The following MAPK10 variants were observed in gnomAD, a reference collection of about 807,000 sequenced individuals.
MAPK10 encodes the protein JNK3 alpha protein kinase.
A neutral mutation model predicts 59.3 loss-of-function variants in MAPK10; 25 were observed. The observed-to-expected ratio is 0.42, with a 90% confidence interval of 0.31 to 0.59. The LOEUF is 0.59. Among genes scored for constraint, MAPK10 ranks in the 20% least tolerant of loss-of-function variants. The probability of loss-of-function intolerance (pLI) is 0.15; values close to 1 mark genes in which losing one functional copy is unlikely to be tolerated. For missense variants in MAPK10, 351 were observed against 568.9 expected (o/e 0.62, Z 3.90); for synonymous variants, 190 against 200.5 (o/e 0.95, Z 0.44).
intron 4 of MAPK10, among the ~76,000 whole-genome samples, chr4:86,133,772 T>C (rs1381862586): frequency 6.6e-6 from 1 of 152,170 alleles, no homozygotes; most frequent in Non-Finnish European, 1.5e-5. Flanking sequence ...GACCATGTGG[T>C]AAATAAGTTG....
At chr4:86,137,953 T>A (rs1187135610) in intron 4 of MAPK10, among the ~76,000 whole-genome samples, 6 of 134,862 alleles carry the variant, frequency 4.4e-5, no homozygotes, top group East Asian at 2.2e-4. Flanking sequence ...GATAAATTCC[T>A]CGACACATAC....
chr4:86,051,558 T>C (rs2043546032), intron 11 of MAPK10, among the ~76,000 whole-genome samples: 3 of 152,178 alleles, frequency 2.0e-5, no homozygotes, highest in Admixed American at 2.0e-4. Flanking sequence ...ATTTAGGGAT[T>C]TTTAAATGTC....
intron 2 of MAPK10, among the ~76,000 whole-genome samples, chr4:86,197,630 A>G (rs1460745931): frequency 6.6e-6 from 1 of 152,164 alleles, no homozygotes; most frequent in Non-Finnish European, 1.5e-5. Flanking sequence ...GAGACACTGC[A>G]TAAAGCTTAC....
intron 1 of MAPK10, among the ~76,000 whole-genome samples, chr4:86,468,284 T>C (rs1339935814): frequency 2.0e-5 from 3 of 152,182 alleles, no homozygotes; most frequent in Non-Finnish European, 4.4e-5. Context: ...TGCTTGCATA[T>C]ATTATGGTCA....
At chr4:86,346,519 G>C (rs1227140486) in intron 2 of MAPK10, among the ~76,000 whole-genome samples, 1 of 152,086 alleles carries the variant, frequency 6.6e-6, no homozygotes, top group Non-Finnish European at 1.5e-5. Context: ...TAAATCTGCG[G>C]ATGTGAAACT....
At chr4:86,234,520 T>G (rs1013595612) in intron 2 of MAPK10, among the ~76,000 whole-genome samples, 1 of 152,092 alleles carries the variant, frequency 6.6e-6, no homozygotes, top group Non-Finnish European at 1.5e-5. Flanking sequence ...AATCTGTGAA[T>G]ATCTAGGGCA....
chr4:86,422,921 T>C (rs1389718712), intron 1 of MAPK10, among the ~76,000 whole-genome samples: 1 of 152,202 alleles, frequency 6.6e-6, no homozygotes, highest in Non-Finnish European at 1.5e-5. Flanking sequence ...TTTAATTCTT[T>C]CTCCAGTCTT....
intron 11 of MAPK10, among the ~76,000 whole-genome samples, chr4:86,050,649 C>T (rs1414990103): frequency 1.3e-5 from 2 of 152,084 alleles, no homozygotes; most frequent in Non-Finnish European, 2.9e-5. Flanking sequence ...CTTAGCCTTC[C>T]ATTCTTGGGG....
At chr4:86,526,267 T>C (rs1757465130) in intron 1 of MAPK10, among the ~76,000 whole-genome samples, 1 of 152,192 alleles carries the variant, frequency 6.6e-6, no homozygotes, top group Non-Finnish European at 1.5e-5. Flanking sequence ...TCTTCAGGGT[T>C]CAATTTCTTC....
intron 4 of MAPK10, among the ~76,000 whole-genome samples, chr4:86,147,730 A>G: frequency 6.6e-6 from 1 of 152,250 alleles, no homozygotes; most frequent in East Asian, 1.9e-4. Flanking sequence ...CAAATCAGAT[A>G]TAAATTGGTA....
chr4:86,086,596 T>C (rs761931357), intron 9 of MAPK10, among the ~76,000 whole-genome samples: 3 of 152,156 alleles, frequency 2.0e-5, no homozygotes, highest in Non-Finnish European at 4.4e-5. Context: ...CAAGAGCTTT[T>C]AGAAATCATT....
At chr4:86,043,960 G>A (rs1483957994) in intron 11 of MAPK10, among the ~76,000 whole-genome samples, 3 of 152,124 alleles carry the variant, frequency 2.0e-5, no homozygotes, top group Non-Finnish European at 4.4e-5. Flanking sequence ...TGAATACAAT[G>A]TCTGTGTTCT....
intron 11 of MAPK10, among the ~76,000 whole-genome samples, chr4:86,045,071 G>A (rs2042249008): frequency 6.6e-6 from 1 of 152,212 alleles, no homozygotes; most frequent in South Asian, 2.1e-4. Flanking sequence ...ATTATGATCT[G>A]AACTGAGTGT....
intron 11 of MAPK10, among the ~76,000 whole-genome samples, chr4:86,035,378 A>AAAG (rs2040035780): frequency 6.7e-6 from 1 of 150,050 alleles, no homozygotes; most frequent in Non-Finnish European, 1.5e-5. Context: ...CTCAAAAAAA[A>AAAG]AAAAAAAAAA....
chr4:86,129,285 T>A (rs2060606302), intron 4 of MAPK10, among the ~76,000 whole-genome samples: 2 of 152,128 alleles, frequency 1.3e-5, no homozygotes, highest in African/African-American at 4.8e-5. Flanking sequence ...TAAGCATCTT[T>A]GTGCTTGTAA....
intron 4 of MAPK10, among the ~76,000 whole-genome samples, chr4:86,136,753 A>G (rs964315707): frequency 2.6e-5 from 4 of 151,678 alleles, no homozygotes; most frequent in Non-Finnish European, 5.9e-5. Flanking sequence ...TTGGATAAAG[A>G]GTCAAGACCC....
At chr4:86,293,822 A>AC (rs2095289854) in intron 2 of MAPK10, among the ~76,000 whole-genome samples, 1 of 152,180 alleles carries the variant, frequency 6.6e-6, no homozygotes, top group Non-Finnish European at 1.5e-5. Context: ...TCAAGAGGAC[A>AC]GCACCAAGAG....
At chr4:86,366,112 G>A (rs748635759) in intron 1 of MAPK10, among the ~76,000 whole-genome samples, 50 of 152,006 alleles carry the variant, frequency 3.3e-4, no homozygotes, top group Non-Finnish European at 4.9e-4. Flanking sequence ...GATGAATCTC[G>A]AAACATGCTG....
intron 12 of MAPK10, among the ~76,000 whole-genome samples, chr4:86,030,990 A>G (rs1391789815): frequency 6.6e-6 from 1 of 152,238 alleles, no homozygotes; most frequent in Non-Finnish European, 1.5e-5. Flanking sequence ...ACCATCTCAG[A>G]ATTAATTTTA....
Sources: allele counts gnomAD v4.1 joint callset (sites outside exome capture counted in the v4.1 genomes callset), GRCh38; gene constraint gnomAD v4.1.1; transcripts MANE v1.5; gene names NCBI Gene and HGNC (gene_info 2026-07-23, HGNC 2026-07-21).